The following GABRG3 variants were observed in gnomAD, a reference collection of about 807,000 sequenced individuals.
GABRG3 encodes gamma-aminobutyric acid type A receptor subunit gamma3, also known as gamma-aminobutyric acid receptor subunit gamma-3.
Under a neutral mutation model 48.8 loss-of-function variants are expected in GABRG3, and 25 were observed. The observed-to-expected ratio is 0.51, with a 90% CI of 0.37 to 0.72. The LOEUF is 0.72. GABRG3 is among the 30% of genes least tolerant of loss of function. The probability of loss-of-function intolerance (pLI) is 0.00; values close to 1 mark genes in which losing one functional copy is unlikely to be tolerated. For missense variants in GABRG3, 394 were observed against 577.9 expected, an observed-to-expected ratio of 0.68 and a Z score of 3.26; for synonymous variants, 227 against 217.6, an observed-to-expected ratio of 1.04 and a Z score of -0.38.
At chr15:27,528,663 G>T (rs1299743916) in intron 9 of GABRG3, among the ~76,000 whole-genome samples, 1 of 151,826 alleles carries the variant, frequency 6.6e-6, no homozygotes, top group African/African-American at 2.4e-5. Flanking sequence ...GCAGGAAAAT[G>T]AGCTCTGCAA....
intron 3 of GABRG3, among the ~76,000 whole-genome samples, chr15:27,305,207 CAAG>C (rs544808649): frequency 5.1e-4 from 78 of 151,682 alleles, no homozygotes; most frequent in African/African-American, 1.7e-3. Context: ...GTACTCTAAT[CAAG>C]TATATTTCTA....
In GABRG3 at chr15:26,976,713, G is replaced by A. The variant is rs927307199; in HGVS notation, c.54-289G>A. 6.6e-6 allele frequency among the ~76,000 whole-genome samples: 1 copy of A among 152,142 alleles called. No homozygotes were observed. The highest frequency in any genetic ancestry group is 1.9e-4 in the East Asian group (1 of 5,192). On this transcript the variant is annotated intron_variant, in intron 1 of 9. Transcript: ENST00000615808. This position sits in a 1 kb window ranked among gnomAD's most constrained non-coding sequence, Gnocchi z 7.8. ...GTGTTGCCTGCTGGTTGGCCCTCTG[G>A]TGTTGTTTACCTGCCACGTTGTCTG...
At chr15:27,156,637 C>T (rs1342152008) in intron 3 of GABRG3, among the ~76,000 whole-genome samples, 1 of 152,164 alleles carries the variant, frequency 6.6e-6, no homozygotes, top group African/African-American at 2.4e-5. Flanking sequence ...ACAAGTATGT[C>T]TCTTCCATCT....
At chr15:27,196,933 T>C (rs1888515101) in intron 3 of GABRG3, among the ~76,000 whole-genome samples, 1 of 152,220 alleles carries the variant, frequency 6.6e-6, no homozygotes, top group African/African-American at 2.4e-5. Flanking sequence ...TTTAGTATTA[T>C]TGCCATGCTT....
chr15:27,050,849 T>C (rs1896443971), intron 3 of GABRG3, among the ~76,000 whole-genome samples: 1 of 152,212 alleles, frequency 6.6e-6, no homozygotes, highest in Non-Finnish European at 1.5e-5. Flanking sequence ...TTACAATTTA[T>C]TACCAATAGC....
chr15:27,478,444 AATG>A (rs1890013756), intron 5 of GABRG3, among the ~76,000 whole-genome samples: 1 of 152,176 alleles, frequency 6.6e-6, no homozygotes, highest in Non-Finnish European at 1.5e-5. Flanking sequence ...CAAATCAAAC[AATG>A]ATGATATGCC....
intron 6 of GABRG3, among the ~76,000 whole-genome samples, chr15:27,498,090 T>C (rs1382151871): frequency 6.6e-6 from 1 of 152,206 alleles, no homozygotes; most frequent in Non-Finnish European, 1.5e-5. Context: ...TTCTCTGAGT[T>C]GTGTTTTCTT....
intron 3 of GABRG3, among the ~76,000 whole-genome samples, chr15:27,266,400 C>T (rs2168150): frequency 0.59 from 90,038 of 151,872 alleles, 27,312 homozygotes; most frequent in Non-Finnish European, 0.65. Context: ...TCTGTTCCAT[C>T]GATCAATCTG....
At chr15:27,262,240 CTGTT>C (rs1890790967) in intron 3 of GABRG3, among the ~76,000 whole-genome samples, 1 of 152,312 alleles carries the variant, frequency 6.6e-6, no homozygotes, top group South Asian at 2.1e-4. Context: ...GCATTTGCGT[CTGTT>C]TGCTGTTTTG....
intron 3 of GABRG3, among the ~76,000 whole-genome samples, chr15:27,192,588 G>C (rs1463102374): frequency 1.6e-4 from 24 of 152,072 alleles, no homozygotes; most frequent in Non-Finnish European, 2.6e-4. Context: ...GCTCCTTTAA[G>C]CAATTCTCTG....
intron 3 of GABRG3, among the ~76,000 whole-genome samples, chr15:27,279,465 T>C (rs1013124113): frequency 6.9e-6 from 1 of 145,784 alleles, no homozygotes; most frequent in East Asian, 2.0e-4. Flanking sequence ...AGTTTTAGGT[T>C]CATTTTTTTC....
At chr15:27,461,672 T>G (rs116657606) in intron 5 of GABRG3, among the ~76,000 whole-genome samples, 2,681 of 152,130 alleles carry the variant, frequency 0.018, 53 homozygotes, top group Middle Eastern at 0.085. Flanking sequence ...TTACAGAGAG[T>G]GATTGGTCCG....
intron 2 of GABRG3, among the ~76,000 whole-genome samples, chr15:27,025,949 C>T (rs1895976130): frequency 6.6e-6 from 1 of 152,208 alleles, no homozygotes; most frequent in African/African-American, 2.4e-5. Flanking sequence ...CAGCCCCCGA[C>T]TCAGAGGTCC....
intron 3 of GABRG3, among the ~76,000 whole-genome samples, chr15:27,290,644 A>G (rs1445898961): frequency 6.6e-6 from 1 of 152,200 alleles, no homozygotes; most frequent in Admixed American, 6.5e-5. Flanking sequence ...AGTCCTGACT[A>G]GTACCCCTCA....
chr15:27,321,620 A>C (rs1468984224), intron 3 of GABRG3, among the ~76,000 whole-genome samples: 1 of 152,238 alleles, frequency 6.6e-6, no homozygotes, highest in African/African-American at 2.4e-5. Flanking sequence ...GAAAACAGCC[A>C]GTGGCTTCTT....
intron 5 of GABRG3, among the ~76,000 whole-genome samples, chr15:27,390,907 G>C (rs1460775571): frequency 2.0e-5 from 3 of 152,026 alleles, no homozygotes; most frequent in Non-Finnish European, 2.9e-5. Context: ...TGGCCAACAT[G>C]GTGCAATGCC....
At chr15:27,529,658 G>A (rs1025753850) in intron 9 of GABRG3, among the ~76,000 whole-genome samples, 10 of 152,188 alleles carry the variant, frequency 6.6e-5, no homozygotes, top group African/African-American at 2.2e-4. Context: ...ACAGCTGCGG[G>A]GAGCTACAGA....
intron 3 of GABRG3, among the ~76,000 whole-genome samples, chr15:27,245,481 T>C (rs1175063694): frequency 6.6e-6 from 1 of 152,210 alleles, no homozygotes; most frequent in Non-Finnish European, 1.5e-5. Flanking sequence ...AATTAGATTT[T>C]GCTAAAATCT....
chr15:27,533,918 A>G lies in GABRG3; in HGVS notation c.*1037A>G, dbSNP rs1595816974. Reference sequence around the variant, plus strand: ...AGTGGCACAATCTTAGCTCACTGCAACCTCTGCCTCCCATGTTCAAGCGAT... The same window carrying G: ...AGTGGCACAATCTTAGCTCACTGCAGCCTCTGCCTCCCATGTTCAAGCGAT... On this transcript the variant is annotated 3_prime_UTR_variant, in exon 10 of 10. Transcript: ENST00000615808. The G allele has an allele frequency of 6.6e-6, 1 of 152,048 alleles. No individual in the cohort carries two copies. Among genetic ancestry groups the G allele is most frequent in the African/African-American group, 2.4e-5 (1 of 41,380 alleles). The allele number at this position is 152,048 out of a possible 1,614,324, so 9.4% of individuals were successfully genotyped here.
Sources: allele counts gnomAD v4.1 joint callset (sites outside exome capture counted in the v4.1 genomes callset), GRCh38; gene constraint gnomAD v4.1.1; non-coding constraint Gnocchi (gnomAD v3.1); transcripts MANE v1.5; gene names NCBI Gene and HGNC (gene_info 2026-07-23, HGNC 2026-07-21).